The following MACROD2 variants were observed in gnomAD, a reference collection of about 807,000 sequenced individuals.
The protein encoded by MACROD2 is ADP-ribose glycohydrolase MACROD2.
In MACROD2, 36 loss-of-function variants were observed where a neutral mutation model predicts 70.4. The ratio of observed to expected loss-of-function variants is 0.51; its 90% CI spans 0.39 to 0.68. MACROD2 has a LOEUF of 0.68. Among genes scored for constraint, MACROD2 ranks in the 30% least tolerant of loss-of-function variants. MACROD2 has a pLI of 0.00. For synonymous variants in MACROD2, 172 were observed against 178.8 expected (o/e 0.96, Z 0.30); for missense variants, 496 against 538.4 (o/e 0.92, Z 0.78).
intron 3 of MACROD2, among the ~76,000 whole-genome samples, chr20:14,189,287 T>C (rs1789397257): frequency 6.6e-6 from 1 of 152,164 alleles, no homozygotes; most frequent in African/African-American, 2.4e-5. Context: ...TTAGAGATAA[T>C]TGAACATAAG....
At chr20:14,288,433 T>A (rs957654665) in intron 3 of MACROD2, among the ~76,000 whole-genome samples, 1 of 152,202 alleles carries the variant, frequency 6.6e-6, no homozygotes, top group Non-Finnish European at 1.5e-5. Context: ...TTATTTTGCT[T>A]AAGCCATTGT....
At chr20:15,172,995 TAAAAG>T (rs775635839) in intron 5 of MACROD2, among the ~76,000 whole-genome samples, 1 of 152,138 alleles carries the variant, frequency 6.6e-6, no homozygotes, top group Non-Finnish European at 1.5e-5. Context: ...AACAGAAACT[TAAAAG>T]AATATTAATT....
At position 15,168,007 on chromosome 20, in the gene MACROD2, C is replaced by G. The variant is rs567877339; in HGVS notation, c.419-61933C>G. ...CTTTCCTCTGTCCCCACACCTCTCT[C>G]AATCATAAAACAAAAGTAGAAATAA... On this transcript the variant is annotated intron_variant, in intron 5 of 17. Coordinates refer to ENST00000684519, the MANE Select transcript of MACROD2 (RefSeq NM_001351661.2). Among the ~76,000 whole-genome samples the G allele has an allele frequency of 1.6e-4, 25 of 152,290 alleles. No individual in the cohort carries two copies. The East Asian group carries it at 3.9e-3, about 24-fold the overall frequency.
At chr20:15,702,283 C>G (rs1375469577) in intron 8 of MACROD2, among the ~76,000 whole-genome samples, 1 of 152,206 alleles carries the variant, frequency 6.6e-6, no homozygotes, top group African/African-American at 2.4e-5. Context: ...TTCCCACAAG[C>G]TGTGTATAAG....
At chr20:15,132,890 A>G (rs1212965637) in intron 5 of MACROD2, among the ~76,000 whole-genome samples, 1 of 152,102 alleles carries the variant, frequency 6.6e-6, no homozygotes, top group African/African-American at 2.4e-5. Flanking sequence ...GGCCACCCAT[A>G]GATTTGCATA....
At chr20:14,400,915 G>A (rs900104988) in intron 3 of MACROD2, among the ~76,000 whole-genome samples, 1 of 152,120 alleles carries the variant, frequency 6.6e-6, no homozygotes, top group African/African-American at 2.4e-5. Context: ...TACTTATGAT[G>A]TTAATGGTAA....
chr20:15,630,262 A>G (rs79372384), intron 8 of MACROD2, among the ~76,000 whole-genome samples: 2,141 of 152,346 alleles, frequency 0.014, 18 homozygotes, highest in Admixed American at 0.023. Flanking sequence ...AGGCAAGATG[A>G]TATCGCAAGA....
chr20:15,518,723 G>T (rs558897934), intron 8 of MACROD2, among the ~76,000 whole-genome samples: 3 of 152,148 alleles, frequency 2.0e-5, no homozygotes, highest in African/African-American at 7.2e-5. Flanking sequence ...TTATGGCCAC[G>T]TGCGGTGGCT....
chr20:14,152,486 G>A (rs1251985376), intron 3 of MACROD2, among the ~76,000 whole-genome samples: 1 of 149,870 alleles, frequency 6.7e-6, no homozygotes, highest in Non-Finnish European at 1.5e-5. Flanking sequence ...GAGTGCAGTG[G>A]CATGATCTCA....
At chr20:14,167,917 T>C (rs2081185900) in intron 3 of MACROD2, among the ~76,000 whole-genome samples, 1 of 152,156 alleles carries the variant, frequency 6.6e-6, no homozygotes, top group South Asian at 2.1e-4. Flanking sequence ...AGCGTAATAA[T>C]TGGTAACATT....
Position 15,031,978 on chromosome 20 carries a change from G to T in MACROD2, c.419-197962G>T, listed in dbSNP as rs897119079. On this transcript the variant is annotated intron_variant, in intron 5 of 17. Transcript: ENST00000684519. ...CGCACCGAGCTGACCGCCCCCGCTG[G>T]CCTCCCTCCCACACTCGTGAGTACC... 9.8e-5 allele frequency among the ~76,000 whole-genome samples: 15 copies of T among 152,292 alleles called. 1 individual carries two copies. Among genetic ancestry groups the T allele is most frequent in the African/African-American group, 3.6e-4 (15 of 41,574 alleles).
At chr20:14,990,590 T>C (rs934962119) in intron 5 of MACROD2, among the ~76,000 whole-genome samples, 1 of 149,928 alleles carries the variant, frequency 6.7e-6, no homozygotes, top group Non-Finnish European at 1.5e-5. Flanking sequence ...CTCGACTCAC[T>C]GAAACCTCTG....
At chr20:15,059,310 A>G (rs1464968334) in intron 5 of MACROD2, among the ~76,000 whole-genome samples, 2 of 151,646 alleles carry the variant, frequency 1.3e-5, no homozygotes, top group African/African-American at 2.4e-5. Flanking sequence ...GCTTGAGCCC[A>G]GGAGGTGGAG....
chr20:14,776,374 T>C (rs1345118238), intron 5 of MACROD2, among the ~76,000 whole-genome samples: 1 of 152,078 alleles, frequency 6.6e-6, no homozygotes, highest in Non-Finnish European at 1.5e-5. Context: ...GAAAGTTATA[T>C]TGTTCTCTTC....
At chr20:15,869,934 T>C (rs1053733040) in intron 9 of MACROD2, among the ~76,000 whole-genome samples, 2 of 152,124 alleles carry the variant, frequency 1.3e-5, no homozygotes, top group African/African-American at 2.4e-5. Flanking sequence ...TTTACCTTCT[T>C]AGATACAGAT....
intron 3 of MACROD2, among the ~76,000 whole-genome samples, chr20:14,227,613 C>CGCT (rs1219826832): frequency 2.0e-5 from 3 of 152,232 alleles, no homozygotes; most frequent in Non-Finnish European, 4.4e-5. Flanking sequence ...ACTCCGGACA[C>CGCT]GCTGCCTTTA....
At chr20:15,287,348 A>C (rs1483762809) in intron 6 of MACROD2, among the ~76,000 whole-genome samples, 1 of 152,230 alleles carries the variant, frequency 6.6e-6, no homozygotes, top group Non-Finnish European at 1.5e-5. Flanking sequence ...GATGTTTTTC[A>C]GCGTTGTACT....
At chr20:14,928,455 A>T (rs971549341) in intron 5 of MACROD2, among the ~76,000 whole-genome samples, 24 of 152,220 alleles carry the variant, frequency 1.6e-4, no homozygotes, top group African/African-American at 5.8e-4. Context: ...GATTTGAAAG[A>T]TATGCTTAGT....
At chr20:14,046,791 A>G (rs1346985014) in intron 2 of MACROD2, among the ~76,000 whole-genome samples, 1 of 151,198 alleles carries the variant, frequency 6.6e-6, no homozygotes, top group Non-Finnish European at 1.5e-5. Context: ...CTAATGTGAT[A>G]TTATTGATGG....
Sources: allele counts gnomAD v4.1 joint callset (sites outside exome capture counted in the v4.1 genomes callset), GRCh38; gene constraint gnomAD v4.1.1; transcripts MANE v1.5; gene names NCBI Gene and HGNC (gene_info 2026-07-23, HGNC 2026-07-21).